WDPCP: variants seen among roughly 807,000 people sequenced by gnomAD.
WDPCP encodes the protein WD repeat containing planar cell polarity effector.
In WDPCP, 71 loss-of-function variants were observed where a neutral mutation model predicts 93.1. That is an observed-to-expected ratio of 0.76 (90% CI 0.63 to 0.93). WDPCP has a LOEUF of 0.93. Among genes scored for constraint, WDPCP ranks in the 40% least tolerant of loss-of-function variants. The pLI is 0.00. For missense variants in WDPCP, 844 were observed against 887.4 expected, an observed-to-expected ratio of 0.95 and a Z score of 0.62; for synonymous variants, 315 against 315.0, an observed-to-expected ratio of 1.00 and a Z score of 0.00.
At chr2:63,195,350 C>T (rs776116514) in intron 14 of WDPCP, among the ~76,000 whole-genome samples, 9 of 152,136 alleles carry the variant, frequency 5.9e-5, no homozygotes, top group East Asian at 3.9e-4. Flanking sequence ...AAGCAGGTCA[C>T]GTAATCTCTC....
intron 3 of WDPCP, among the ~76,000 whole-genome samples, chr2:63,633,388 T>A (rs1346535379): frequency 6.6e-6 from 1 of 152,148 alleles, no homozygotes; most frequent in Non-Finnish European, 1.5e-5. Flanking sequence ...TAACTAAAGC[T>A]ACATTAATTT....
rs377207448 is a variant in WDPCP at position 63,290,973 on chromosome 2, T to A, written c.1812+22275A>T. On this transcript the variant is annotated intron_variant, in intron 13 of 17. Coordinates refer to ENST00000272321, the MANE Select transcript of WDPCP (RefSeq NM_015910.7). Reference sequence around the variant, plus strand: ...TGAGATTTTTGGATCTGTAGGCCAATATTTTTCACCAAGCTCCAATTACAT... The same window carrying A: ...TGAGATTTTTGGATCTGTAGGCCAAAATTTTTCACCAAGCTCCAATTACAT... 3.3e-4 allele frequency among the ~76,000 whole-genome samples: 50 copies of A among 152,300 alleles called. 2 individuals carry two copies. The South Asian group carries it at 0.01, about 31-fold the overall frequency.
chr2:63,253,777 C>T (rs1680924190), intron 14 of WDPCP, among the ~76,000 whole-genome samples: 1 of 152,168 alleles, frequency 6.6e-6, no homozygotes, highest in African/African-American at 2.4e-5. Flanking sequence ...AATGCTTATA[C>T]ACTGCTGGTG....
intron 3 of WDPCP, chr2:63,622,938 GGCTCGTA>G (rs1333863008): frequency 1.1e-6 from 1 of 945,068 alleles, no homozygotes; most frequent in Non-Finnish European, 1.6e-6. Context: ...CCTGCTGCCA[GGCTCGTA>G]GCTCAGTCAC....
chr2:63,571,874 C>T (rs1325129185), intron 1 of WDPCP, among the ~76,000 whole-genome samples: 1 of 152,174 alleles, frequency 6.6e-6, no homozygotes, highest in African/African-American at 2.4e-5. Context: ...ATTTTTCCCA[C>T]ATATATTTTA....
At chr2:63,670,109 G>A (rs977782139) in intron 2 of WDPCP, among the ~76,000 whole-genome samples, 3 of 152,148 alleles carry the variant, frequency 2.0e-5, no homozygotes, top group African/African-American at 7.2e-5. Context: ...CTCAGCCACA[G>A]AGAGCACAAT....
chr2:63,187,290 T>C (rs1674711834), intron 14 of WDPCP, among the ~76,000 whole-genome samples: 1 of 152,172 alleles, frequency 6.6e-6, no homozygotes, highest in African/African-American at 2.4e-5. Context: ...TATCACTGGA[T>C]CCTATTTTTA....
chr2:63,436,706 G>A (rs1041626164), intron 8 of WDPCP, among the ~76,000 whole-genome samples: 1 of 152,182 alleles, frequency 6.6e-6, no homozygotes, highest in African/African-American at 2.4e-5. Flanking sequence ...AGTCACTGTT[G>A]AAAAGAGGCC....
At chr2:63,450,760 TAGAG>T (rs1237506190) in intron 6 of WDPCP, among the ~76,000 whole-genome samples, 1 of 152,106 alleles carries the variant, frequency 6.6e-6, no homozygotes, top group Non-Finnish European at 1.5e-5. Context: ...GAAGAAATCA[TAGAG>T]AGACTATACT....
rs1349984219 is a variant in WDPCP at position 63,379,819 on chromosome 2, GA to G, written c.1625-1311del. Among the ~76,000 whole-genome samples, 18 of 152,044 alleles carry G rather than the reference GA, an allele frequency of 1.2e-4. No homozygotes were observed. In the East Asian group the frequency reaches 3.5e-3, roughly 29 times the overall value. On this transcript the variant is annotated intron_variant, in intron 11 of 17. Transcript: ENST00000272321. The stretch of plus-strand genomic sequence containing the variant: ...TTCAGATAGAATAAGTCTCAAGAGA[GA>G]AAAAAAATTGTGAATGTTTTAGAAA...
chr2:63,406,561 A>G (rs994828920), intron 9 of WDPCP, among the ~76,000 whole-genome samples: 1 of 152,208 alleles, frequency 6.6e-6, no homozygotes, highest in African/African-American at 2.4e-5. Context: ...TAATAAGAGA[A>G]AAGCTTAACG....
At chr2:63,500,767 T>G (rs1481657862) in intron 1 of WDPCP, among the ~76,000 whole-genome samples, 1 of 152,198 alleles carries the variant, frequency 6.6e-6, no homozygotes, top group Non-Finnish European at 1.5e-5. Flanking sequence ...TTGTAAGGAT[T>G]AACTAGTGTG....
chr2:63,238,966 T>C (rs187428995), intron 14 of WDPCP, among the ~76,000 whole-genome samples: 37 of 152,292 alleles, frequency 2.4e-4, no homozygotes, highest in African/African-American at 7.5e-4. Context: ...AGGGCCAATT[T>C]TGAGCTACCA....
intron 9 of WDPCP, among the ~76,000 whole-genome samples, chr2:63,427,471 A>G (rs1696410967): frequency 6.6e-6 from 1 of 152,210 alleles, no homozygotes; most frequent in African/African-American, 2.4e-5. Flanking sequence ...AAATTAAACA[A>G]CTTACTCCTG....
chr2:63,257,390 GTA>G (rs2104759009), intron 14 of WDPCP, among the ~76,000 whole-genome samples: 1 of 152,234 alleles, frequency 6.6e-6, no homozygotes, highest in African/African-American at 2.4e-5. Flanking sequence ...AAAGAACTAG[GTA>G]GAGACCATGA....
chr2:63,726,440 G>C (rs998741831), intron 2 of WDPCP, among the ~76,000 whole-genome samples: 1 of 152,120 alleles, frequency 6.6e-6, no homozygotes, highest in Admixed American at 6.5e-5. Context: ...TGCTGTTTGG[G>C]TTACTGTAGC....
At chr2:63,809,782 C>T (rs1345571524) in intron 2 of WDPCP, among the ~76,000 whole-genome samples, 7 of 151,436 alleles carry the variant, frequency 4.6e-5, no homozygotes, top group Admixed American at 1.3e-4. Flanking sequence ...TGCGGAAGGC[C>T]GCAGGGTCCT....
At chr2:63,619,627 A>G (rs1184144241) in intron 3 of WDPCP, among the ~76,000 whole-genome samples, 1 of 152,264 alleles carries the variant, frequency 6.6e-6, no homozygotes, top group Non-Finnish European at 1.5e-5. Context: ...GCCTGGCACC[A>G]TGCTTTGTAT....
intron 12 of WDPCP, among the ~76,000 whole-genome samples, chr2:63,375,478 C>T (rs1283376188): frequency 4.6e-5 from 7 of 151,760 alleles, no homozygotes; most frequent in Admixed American, 6.6e-5. Context: ...CTATCTTTAA[C>T]GTTAGGAGCT....
Sources: allele counts gnomAD v4.1 joint callset (sites outside exome capture counted in the v4.1 genomes callset), GRCh38; gene constraint gnomAD v4.1.1; transcripts MANE v1.5; gene names NCBI Gene and HGNC (gene_info 2026-07-23, HGNC 2026-07-21).